EVL: variants seen among roughly 807,000 people sequenced by gnomAD.
The protein encoded by EVL is ena/VASP-like protein.
EVL carries 21 observed loss-of-function variants against 59.6 expected under a neutral mutation model. That is an observed-to-expected ratio of 0.35 (90% confidence interval 0.25 to 0.51). The LOEUF (loss-of-function observed/expected upper bound fraction) is 0.51, where lower values mean the gene tolerates loss of function less well. EVL is among the 20% of genes least tolerant of loss of function. The pLI, the probability that EVL is intolerant of heterozygous loss-of-function variation, is 0.97. For missense variants in EVL, 462 were observed against 546.6 expected (o/e 0.85, Z 1.54); for synonymous variants, 198 against 203.5 (o/e 0.97, Z 0.23).
chr14:100,067,812 C>T (rs916483655), intron 1 of EVL, among the ~76,000 whole-genome samples: 1 of 152,068 alleles, frequency 6.6e-6, no homozygotes, highest in Non-Finnish European at 1.5e-5. Context: ...AATGAGGAGG[C>T]GACTGGCTGT....
intron 1 of EVL, among the ~76,000 whole-genome samples, chr14:100,081,087 C>T (rs1408177919): frequency 6.6e-6 from 1 of 152,110 alleles, no homozygotes; most frequent in East Asian, 1.9e-4. Context: ...TGAGATCAGT[C>T]TGGGCAACAT....
At chr14:100,058,654 A>AT (rs1012497109) in intron 1 of EVL, among the ~76,000 whole-genome samples, 41 of 149,974 alleles carry the variant, frequency 2.7e-4, no homozygotes, top group East Asian at 7.8e-4. Flanking sequence ...TTATAAGATC[A>AT]TTTTTTTTTT....
At chr14:100,125,554 C>T (rs1888019194) in intron 4 of EVL, among the ~76,000 whole-genome samples, 1 of 151,578 alleles carries the variant, frequency 6.6e-6, no homozygotes, top group African/African-American at 2.4e-5. Flanking sequence ...GGGGCTTTTC[C>T]GTAATTTTTT....
intron 1 of EVL, among the ~76,000 whole-genome samples, chr14:100,047,116 C>CTTTTTTTTTT (rs1158933445): frequency 0.014 from 408 of 28,322 alleles, 12 homozygotes; most frequent in Non-Finnish European, 0.017. Context: ...AGATCTCTCT[C>CTTTTTTTTTT]TCTTTTTTTT....
intron 1 of EVL, among the ~76,000 whole-genome samples, chr14:100,072,696 A>T (rs1017323557): frequency 1.3e-5 from 2 of 152,254 alleles, no homozygotes; most frequent in Non-Finnish European, 2.9e-5. Flanking sequence ...GGGGAAAGAC[A>T]GAGATAACTC....
rs546246711 is a variant in EVL at position 100,141,682 on chromosome 14, G to A, written c.1162-54G>A. On this transcript the variant is annotated intron_variant, in intron 12 of 13. Coordinates refer to ENST00000392920, the MANE Select transcript of EVL (RefSeq NM_016337.3). ...CTTTGGACATGGCCCAGCCCAGGCCGGCTTTTCCGTCTCCACTGCCTGTCC... is the reference window on the plus strand; with the variant it reads ...CTTTGGACATGGCCCAGCCCAGGCCAGCTTTTCCGTCTCCACTGCCTGTCC... 1.8e-4 allele frequency: 283 copies of A among 1,587,682 alleles called. 2 individuals are homozygous for A. In the South Asian group the frequency reaches 2.8e-3, roughly 16 times the overall value.
At chr14:100,069,001 T>C (rs2061994397) in intron 1 of EVL, among the ~76,000 whole-genome samples, 1 of 152,200 alleles carries the variant, frequency 6.6e-6, no homozygotes, top group Non-Finnish European at 1.5e-5. Flanking sequence ...GCACGTACTA[T>C]CTTCTAACGT....
At chr14:100,007,382 T>C (rs2060989114) in intron 1 of EVL, among the ~76,000 whole-genome samples, 1 of 152,176 alleles carries the variant, frequency 6.6e-6, no homozygotes, top group Non-Finnish European at 1.5e-5. Flanking sequence ...TTGAATAGAA[T>C]GAGAGGCAGG....
chr14:100,011,873 A>T (rs896450955), intron 1 of EVL, among the ~76,000 whole-genome samples: 3 of 152,232 alleles, frequency 2.0e-5, no homozygotes, highest in African/African-American at 7.2e-5. Context: ...ACTACTGTTG[A>T]CTTGTATAGC....
upstream of EVL, among the ~76,000 whole-genome samples, chr14:100,060,752 A>G (rs1293226502): frequency 2.6e-5 from 4 of 152,128 alleles, no homozygotes; most frequent in African/African-American, 9.7e-5. Context: ...TAAATTACAT[A>G]CCTAAGAATC....
At chr14:100,049,082 G>A (rs1229151248) in intron 1 of EVL, among the ~76,000 whole-genome samples, 2 of 152,090 alleles carry the variant, frequency 1.3e-5, no homozygotes, top group African/African-American at 2.4e-5. Context: ...ACCAAACCAA[G>A]CAAAAAGGTC....
chr14:100,132,639 G>T, intron 7 of EVL, 80 bp from the exon 8 acceptor site: 1 of 1,491,268 alleles, frequency 6.7e-7, no homozygotes, highest in South Asian at 1.1e-5. Context: ...GGTGAGTCTG[G>T]CAGGGTGGAG....
chr14:100,110,851 C>T lies in EVL; in HGVS notation c.359-12688C>T, dbSNP rs1159913939. On this transcript the variant is annotated intron_variant, in intron 3 of 13. Coordinates refer to ENST00000392920, the MANE Select transcript of EVL (RefSeq NM_016337.3). ...GGCGAGATTCCTTTGGAGTTTTAGTCTTCTGTAGATACAGCCCAGGCGCCA... is the reference window on the plus strand; with the variant it reads ...GGCGAGATTCCTTTGGAGTTTTAGTTTTCTGTAGATACAGCCCAGGCGCCA... 3.3e-5 allele frequency among the ~76,000 whole-genome samples: 5 copies of T among 152,334 alleles called. No homozygotes were observed. The East Asian group carries it at 7.7e-4, about 24-fold the overall frequency.
intron 3 of EVL, chr14:100,106,929 T>A (rs566139684): frequency 1.8e-5 from 7 of 398,700 alleles, no homozygotes; most frequent in African/African-American, 1.2e-4. Context: ...CATGCTCCTC[T>A]TCTCCTCCAG....
At chr14:99,990,157 G>C (rs1015690490) in intron 1 of EVL, among the ~76,000 whole-genome samples, 1 of 152,218 alleles carries the variant, frequency 6.6e-6, no homozygotes, top group South Asian at 2.1e-4. Context: ...AATGTTGATA[G>C]TTTGACCTCC....
rs1379774654 is a variant in EVL at position 100,047,114 on chromosome 14, C to CTTTTTTTTTTTTTTTTTT, written c.6-37572_6-37571insTTTTTTTTTTTTTTTTTT. ...ATTTTGAGACCTTGGGCAGATCTCT[C>CTTTTTTTTTTTTTTTTTT]TCTCTTTTTTTTTTTTTTTTTTTTT... On this transcript the variant is annotated intron_variant, in intron 1 of 13. Transcript: ENST00000402714. 6.2e-3 allele frequency among the ~76,000 whole-genome samples: 593 copies of CTTTTTTTTTTTTTTTTTT among 95,082 alleles called. 168 individuals are homozygous for CTTTTTTTTTTTTTTTTTT. The highest frequency in any genetic ancestry group is 0.014 in the South Asian group (30 of 2,142). The allele number at this position is 95,082 out of a possible 152,430, so 62.4% of individuals were successfully genotyped here.
Position 100,084,683 on chromosome 14 carries a change from G to A in EVL, c.12-4G>A. ...GCTGACACCAGTTTTTTCTTGCTCG[G>A]CAGTGAACAGAGTATCTGCCAAGCC... On this transcript the variant is annotated splice_region_variant and splice_polypyrimidine_tract_variant and intron_variant, in intron 1 of 13. Transcript: ENST00000392920. 1 of 1,613,400 alleles carries A rather than the reference G, an allele frequency of 6.2e-7. No individual in the cohort carries two copies. The highest frequency in any genetic ancestry group is 8.5e-7 in the Non-Finnish European group (1 of 1,179,656).
intron 1 of EVL, among the ~76,000 whole-genome samples, chr14:100,071,027 A>G (rs1052432278): frequency 2.0e-5 from 3 of 152,278 alleles, no homozygotes; most frequent in South Asian, 2.1e-4. Flanking sequence ...GACTCCCCCA[A>G]CAGTTGGTTG....
chr14:100,058,122 G>T (rs988558934), intron 1 of EVL, among the ~76,000 whole-genome samples: 1 of 152,170 alleles, frequency 6.6e-6, no homozygotes, highest in Non-Finnish European at 1.5e-5. Context: ...GAAGAAAGTT[G>T]ACTTTCCCAA....
Sources: gnomAD v4.1 joint callset for allele counts (sites outside exome capture counted in the v4.1 genomes callset) on GRCh38, gnomAD v4.1.1 for gene constraint, MANE v1.5 for transcripts, NCBI Gene and HGNC (gene_info 2026-07-23, HGNC 2026-07-21) for gene names.